The following ACHE variants were observed in gnomAD, a reference collection of about 807,000 sequenced individuals.
ACHE encodes acetylcholinesterase.
ACHE carries 19 observed loss-of-function variants against 53.9 expected under a neutral mutation model. That is an observed-to-expected ratio of 0.35 (90% CI 0.25 to 0.52). The LOEUF is 0.52. ACHE is among the 20% of genes least tolerant of loss of function. The pLI, the probability that ACHE is intolerant of heterozygous loss-of-function variation, is 0.95. For missense variants in ACHE, 605 were observed against 849.4 expected (o/e 0.71, Z 3.58); for synonymous variants, 392 against 378.1 (o/e 1.04, Z -0.43).
intron 4 of ACHE, chr7:100,890,624 AAG>A (rs1434161701): frequency 7.3e-7 from 1 of 1,363,482 alleles, no homozygotes; most frequent in Non-Finnish European, 9.5e-7. Context: ...TTGGGGGAAA[AAG>A]AAGAGACAGA....
rs780358044 is a variant in ACHE at position 100,890,180 on chromosome 7, G to A, written c.*34C>T. 4.3e-6 allele frequency: 7 copies of A among 1,611,558 alleles called. No individual in the cohort carries two copies. The highest frequency in any genetic ancestry group is 4.0e-5 in the African/African-American group (3 of 74,896). On this transcript the variant is annotated 3_prime_UTR_variant, in exon 5 of 5. Transcript: ENST00000241069. ...AAATAGTATATACAGCTAGGGGGCC[G>A]GGCGGAGCGGAGGACATGGGGGTCC...
Position 100,892,593 on chromosome 7 carries a change from C to G in ACHE, c.1294G>C (p.Val432Leu). 6.2e-7 allele frequency: 1 copy of G among 1,613,524 alleles called. No homozygotes were observed. The highest frequency in any genetic ancestry group is 8.5e-7 in the Non-Finnish European group (1 of 1,179,940). ...PARLREALSD[V>L]VGDHNVVCPV... is the part of the protein sequence containing the mutation. ...CACACGACATTGTGGTCGCCCACCACATCGCTCAGGGCCTCCCTCAGGCGT... is the reference window on the plus strand; with the variant it reads ...CACACGACATTGTGGTCGCCCACCAGATCGCTCAGGGCCTCCCTCAGGCGT... Residue 432 changes from valine to leucine, a missense_variant, in exon 3 of 5, where the codon GTG becomes CTG. Physicochemically the swap from Val to Leu is conservative, Grantham distance 32. Transcript: ENST00000241069. The surrounding 1 kb of genome is among the most constrained non-coding windows in gnomAD (Gnocchi z 5.2).
Position 100,892,098 on chromosome 7 carries a change from C to T in ACHE, c.1553+236G>A, listed in dbSNP as rs753811693. Among the ~76,000 whole-genome samples the T allele has an allele frequency of 1.4e-4, 21 of 151,908 alleles. No homozygotes were observed. Among genetic ancestry groups the T allele is most frequent in the African/African-American group, 2.2e-4 (9 of 41,362 alleles). ...CCACTGTGCCCCGCCCCCTCCATGT[C>T]TACCTCGTCTCCTCCTCACTTTCCT... On this transcript the variant is annotated intron_variant, in intron 3 of 4. Coordinates refer to ENST00000241069, the MANE Select transcript of ACHE (RefSeq NM_000665.5). The surrounding 1 kb of genome is among the most constrained non-coding windows in gnomAD (Gnocchi z 5.2).
chr7:100,894,043 G>A lies in ACHE; in HGVS notation c.190C>T (p.Leu64=), dbSNP rs760830733. The A allele has an allele frequency of 5.0e-6, 8 of 1,595,458 alleles. No homozygotes were observed. In the Admixed American group the frequency reaches 1.2e-4, roughly 25 times the overall value. ...KTPGGPVSAF[L]GIPFAEPPMG... ...GGTGGCTCCGCAAAGGGGATGCCCA[G>A]GAAAGCAGAGACAGGGCCCCCGGGG... The change falls in exon 2 of 5, where the codon CTG becomes TTG. Residue 64 remains leucine, a synonymous_variant. Coordinates refer to ENST00000241069, the MANE Select transcript of ACHE (RefSeq NM_000665.5).
At chr7:100,890,419 G>T (rs375151616) in intron 4 of ACHE, 84 bp from the exon 5 acceptor site, 14 of 1,534,894 alleles carry the variant, frequency 9.1e-6, no homozygotes, top group Non-Finnish European at 1.1e-5. Flanking sequence ...GGTTGAAGGG[G>T]GGGTATGAGT....
chr7:100,890,813 C>G, intron 4 of ACHE: 1 of 1,365,892 alleles, frequency 7.3e-7, no homozygotes. Context: ...GGCACGGCCC[C>G]CTCCTCCTGC....
At position 100,893,390 on chromosome 7, in the gene ACHE, C is replaced by G. The variant is rs745974751; in HGVS notation, c.843G>C (p.Gln281His). 1.2e-6 allele frequency: 2 copies of G among 1,612,770 alleles called. No homozygotes were observed. Among genetic ancestry groups the G allele is most frequent in the Non-Finnish European group, 1.7e-6 (2 of 1,179,916 alleles). ...GAGGACAGCCCACAAGGTGGGCCAG[C>G]TGCGTGGCCCTGCGACGGGCCTCTC... ...GMGEARRRAT[Q>H]LAHLVGCPPG... is the part of the protein sequence containing the mutation. Residue 281 changes from glutamine to histidine, a missense_variant, in exon 2 of 5, where the codon CAG (glutamine) becomes CAC (histidine). By Grantham distance (24) the Gln-to-His change is conservative. Around this residue, in one of 4 missense-constraint regions of ACHE, gnomAD observed 397 missense variants for 632.5 expected, o/e 0.63. Transcript: ENST00000241069.
intron 1 of ACHE, 36 bp from the exon 2 acceptor site, chr7:100,894,288 G>C: frequency 7.3e-6 from 10 of 1,374,456 alleles, no homozygotes; most frequent in Non-Finnish European, 9.5e-6. Flanking sequence ...GTGAAGGGTC[G>C]GTCGAGAAGC....
At position 100,894,128 on chromosome 7, in the gene ACHE, C is replaced by T. The variant is rs767356995; in HGVS notation, c.105G>A (p.Glu35=). 3 of 1,492,146 alleles carry T rather than the reference C, an allele frequency of 2.0e-6. No homozygotes were observed. The highest frequency in any genetic ancestry group is 2.3e-5 in the East Asian group (1 of 42,736). 92.4% of individuals were successfully genotyped at this position (1,492,146 alleles called of 1,614,324 possible). ...GCACCGTCACCAGCAGCTCTGCATC[C>T]TCCCGGCCCTCAGCCCCCACTCCTC... ...LGGGVGAEGR[E]DAELLVTVRG... is the part of the protein sequence containing the mutation. Residue 35 remains glutamate (E), a synonymous_variant, in exon 2 of 5, where the codon GAG becomes GAA. Transcript: ENST00000241069.
At chr7:100,891,004 A>T (rs1376824479) in intron 4 of ACHE, 165 bp downstream of exon 4, 1 of 1,445,560 alleles carries the variant, frequency 6.9e-7, no homozygotes, top group African/African-American at 1.4e-5. Context: ...AAGCTGGTGG[A>T]GGAGGAGGAG....
Position 100,892,232 on chromosome 7 carries a change from C to T in ACHE, c.1553+102G>A. On this transcript the variant is annotated intron_variant, in intron 3 of 4. Transcript: ENST00000241069. The surrounding 1 kb of genome is among the most constrained non-coding windows in gnomAD (Gnocchi z 5.2). Reference sequence around the variant, plus strand: ...CCCTCTCTGGCTGTTCTATCCTGCCCCTGTCCCACCCGTCCTTTCTGTCTC... The same window carrying T: ...CCCTCTCTGGCTGTTCTATCCTGCCTCTGTCCCACCCGTCCTTTCTGTCTC... 1 of 1,402,692 alleles carries T rather than the reference C, an allele frequency of 7.1e-7. No individual in the cohort carries two copies. Among genetic ancestry groups the T allele is most frequent in the Non-Finnish European group, 9.4e-7 (1 of 1,066,874 alleles). The allele number at this position is 1,402,692 out of a possible 1,614,324, so 86.9% of individuals were successfully genotyped here.
At position 100,892,196 on chromosome 7, in the gene ACHE, T is replaced by C. The variant is rs1288305385; in HGVS notation, c.1553+138A>G. The C allele has an allele frequency of 1.2e-5, 13 of 1,114,830 alleles. No homozygotes were observed. Among genetic ancestry groups the C allele is most frequent in the African/African-American group, 1.6e-5 (1 of 62,168 alleles). The allele number at this position is 1,114,830 out of a possible 1,614,324, so 69.1% of individuals were successfully genotyped here. On this transcript the variant is annotated intron_variant, in intron 3 of 4. Transcript: ENST00000241069. The surrounding 1 kb of genome is among the most constrained non-coding windows in gnomAD (Gnocchi z 5.2). ...TTTTTCTCTCCCCTTTTATCTACTT[T>C]GTGAGCATATCCCTCTCTGGCTGTT...
intron 4 of ACHE, 182 bp downstream of exon 4, chr7:100,890,987 G>A (rs1790644117): frequency 6.8e-7 from 1 of 1,461,402 alleles, no homozygotes; most frequent in Non-Finnish European, 9.0e-7. Flanking sequence ...GAGAGGAAGA[G>A]GAGGAGAAGC....
chr7:100,893,501 C>G lies in ACHE; in HGVS notation c.732G>C (p.Leu244=). 3.7e-6 allele frequency: 6 copies of G among 1,608,186 alleles called. No individual in the cohort carries two copies. Among genetic ancestry groups the G allele is most frequent in the Non-Finnish European group, 5.1e-6 (6 of 1,179,878 alleles). The change falls in exon 2 of 5, where the codon CTG becomes CTC. Residue 244 remains leucine (L), a synonymous_variant. Transcript: ENST00000241069. ...SAGAASVGMH[L]LSPPSRGLFH... Reference sequence around the variant, plus strand: ...ACAGGCCCCGGCTGGGCGGGGACAGCAGGTGCATGCCCACCGAGGCGGCTC... The same window carrying G: ...ACAGGCCCCGGCTGGGCGGGGACAGGAGGTGCATGCCCACCGAGGCGGCTC...
In ACHE at chr7:100,890,125, C is replaced by CTCGTCTGTGTT; in HGVS notation, c.*78_*88dup. 6.6e-7 allele frequency: 1 copy of CTCGTCTGTGTT among 1,517,828 alleles called. No homozygotes were observed. Among genetic ancestry groups the CTCGTCTGTGTT allele is most frequent in the Non-Finnish European group, 8.9e-7 (1 of 1,120,530 alleles). 94.0% of individuals were successfully genotyped at this position (1,517,828 alleles called of 1,614,324 possible). A position where few individuals can be genotyped will look rare whatever the true frequency, so the allele number is the denominator to read the frequency against. ...GGGTGGGGATGGGCAGAGTCTGGGG[C>CTCGTCTGTGTT]TCGTCTGTGTTATAGCCCAGCCCTG... On this transcript the variant is annotated 3_prime_UTR_variant, in exon 5 of 5. Coordinates refer to ENST00000241069, the MANE Select transcript of ACHE (RefSeq NM_000665.5).
intron 4 of ACHE, chr7:100,890,893 C>A (rs1790638221): frequency 6.8e-7 from 1 of 1,466,122 alleles, no homozygotes; most frequent in East Asian, 2.4e-5. Context: ...GAGTGGGGCC[C>A]TTCCCCACGG....
rs77109413 is a variant in ACHE at position 100,893,785 on chromosome 7, A to G, written c.448T>C (p.Tyr150His). 6.2e-7 allele frequency: 1 copy of G among 1,613,838 alleles called. No individual in the cohort carries two copies. Among genetic ancestry groups the G allele is most frequent in the Non-Finnish European group, 8.5e-7 (1 of 1,180,014 alleles). The change falls in exon 2 of 5, where the codon TAT (tyrosine) becomes CAT (histidine). Residue 150 changes from tyrosine to histidine, a missense_variant. By Grantham distance (83) the Tyr-to-His change is moderately conservative. Coordinates refer to ENST00000241069, the MANE Select transcript of ACHE (RefSeq NM_000665.5). ...TSPTPVLVWI[Y>H]GGGFYSGASS... ...GCCCCACTGTAGAAGCCACCCCCATAGATCCAGACGAGGACAGGGGTGGGG... is the reference window on the plus strand; with the variant it reads ...GCCCCACTGTAGAAGCCACCCCCATGGATCCAGACGAGGACAGGGGTGGGG...
intron 4 of ACHE, chr7:100,890,680 C>G (rs1584769914): frequency 2.3e-5 from 30 of 1,321,696 alleles, no homozygotes; most frequent in Non-Finnish European, 2.8e-5. Context: ...CTACCCCGTC[C>G]GGGGCCTCCC....
chr7:100,891,325 G>T lies in ACHE; in HGVS notation c.1567C>A (p.Pro523Thr). The T allele has an allele frequency of 2.6e-6, 4 of 1,561,422 alleles. No homozygotes were observed. Among genetic ancestry groups the T allele is most frequent in the Admixed American group, 3.8e-5 (2 of 52,640 alleles). Residue 523 changes from proline to threonine, a missense_variant, in exon 4 of 5, where the codon CCC becomes ACC. Physicochemically the swap from Pro to Thr is conservative, Grantham distance 38. Transcript: ENST00000241069. Reference sequence around the variant, plus strand: ...CATTGTGGGGCCTTGGGGTCTCGGGGCTCATTGGGATCCCTGCGGAAGGAA... The same window carrying T: ...CATTGTGGGGCCTTGGGGTCTCGGGTCTCATTGGGATCCCTGCGGAAGGAA... ...NFARTGDPNE[P>T]RDPKAPQWPP...
Sources: allele counts gnomAD v4.1 joint callset (sites outside exome capture counted in the v4.1 genomes callset), GRCh38; gene constraint gnomAD v4.1.1; regional missense constraint gnomAD v4.1.1; non-coding constraint Gnocchi (gnomAD v3.1); transcripts MANE v1.5; gene names NCBI Gene and HGNC (gene_info 2026-07-23, HGNC 2026-07-21).